ESRP1: variants seen among roughly 807,000 people sequenced by gnomAD.
The protein encoded by ESRP1 is RNA-binding motif protein 35A.
A neutral mutation model predicts 81.7 loss-of-function variants in ESRP1; 33 were observed. That is an observed-to-expected ratio of 0.40 (90% confidence interval 0.31 to 0.54). ESRP1 has a LOEUF of 0.54. Among genes scored for constraint, ESRP1 ranks in the 20% least tolerant of loss-of-function variants. The pLI is 0.41. For missense variants in ESRP1, 672 were observed against 833.1 expected, an observed-to-expected ratio of 0.81 and a Z score of 2.38; for synonymous variants, 320 against 303.3, an observed-to-expected ratio of 1.06 and a Z score of -0.57.
At chr8:94,696,020 G>A (rs181131467) in intron 14 of ESRP1, among the ~76,000 whole-genome samples, 78 of 152,254 alleles carry the variant, frequency 5.1e-4, no homozygotes, top group African/African-American at 1.8e-3. Context: ...CTGCGAATGC[G>A]ACATTGCACT....
intron 4 of ESRP1, among the ~76,000 whole-genome samples, chr8:94,659,292 A>G (rs1818596907): frequency 6.6e-6 from 1 of 152,164 alleles, no homozygotes; most frequent in African/African-American, 2.4e-5. Context: ...TCTCTCTGTC[A>G]CCTTTCAAAC....
intron 4 of ESRP1, among the ~76,000 whole-genome samples, chr8:94,651,051 G>A (rs1018391292): frequency 1.3e-5 from 2 of 152,028 alleles, no homozygotes; most frequent in African/African-American, 4.8e-5. Context: ...GTGACTGCTG[G>A]ATCATATGGG....
chr8:94,646,363 A>C, intron 4 of ESRP1, 81 bp downstream of exon 4: 1 of 981,050 alleles, frequency 1.0e-6, no homozygotes, highest in Non-Finnish European at 1.5e-6. Context: ...CAAACATTTT[A>C]AATTTTGTCA....
At chr8:94,686,990 C>T (rs1004884949) in intron 13 of ESRP1, among the ~76,000 whole-genome samples, 3 of 152,010 alleles carry the variant, frequency 2.0e-5, no homozygotes, top group South Asian at 4.1e-4. Flanking sequence ...TTTAGGTGTT[C>T]GGTCATTTTT....
chr8:94,664,895 T>C, intron 7 of ESRP1, 32 bp from the exon 8 acceptor site: 1 of 1,609,698 alleles, frequency 6.2e-7, no homozygotes, highest in Non-Finnish European at 8.5e-7. Context: ...TATTTTTTTT[T>C]CTACCTGCTG....
intron 4 of ESRP1, among the ~76,000 whole-genome samples, chr8:94,657,134 C>G (rs1404467715): frequency 6.6e-6 from 1 of 152,184 alleles, no homozygotes; most frequent in South Asian, 2.1e-4. Flanking sequence ...TCAGTTGCAG[C>G]CTGAAATGAT....
chr8:94,685,786 CA>C (rs143033408), intron 13 of ESRP1, among the ~76,000 whole-genome samples: 48,234 of 143,080 alleles, frequency 0.34, 8,791 homozygotes, highest in East Asian at 0.57. Flanking sequence ...GAGACAGTCT[CA>C]AAAAAAAAAA....
chr8:94,703,105 A>ATTTT (rs1491529176), intron 15 of ESRP1, among the ~76,000 whole-genome samples: 7 of 77,320 alleles, frequency 9.1e-5, no homozygotes, highest in African/African-American at 1.7e-4. Flanking sequence ...TCTGAGATTG[A>ATTTT]TTGTTTTTTT....
At chr8:94,659,517 A>G (rs973314944) in intron 4 of ESRP1, among the ~76,000 whole-genome samples, 7 of 152,190 alleles carry the variant, frequency 4.6e-5, no homozygotes, top group Admixed American at 1.3e-4. Flanking sequence ...TAAGCCAATT[A>G]ACCCTACAAC....
In ESRP1 at chr8:94,642,801, C is replaced by G. The variant is rs539743415; in HGVS notation, c.262-502C>G. 3.9e-5 allele frequency among the ~76,000 whole-genome samples: 6 copies of G among 152,262 alleles called. No homozygotes were observed. In the East Asian group the frequency reaches 1.2e-3, roughly 29 times the overall value. On this transcript the variant is annotated intron_variant, in intron 2 of 15. Coordinates refer to ENST00000433389, the MANE Select transcript of ESRP1 (RefSeq NM_017697.4). ...CACCTGTGCACAGATGAATGCTCTG[C>G]GTTCTCACGACCTCTGCCCTAGCAC...
intron 14 of ESRP1, 150 bp downstream of exon 14, chr8:94,692,977 G>C (rs1030427595): frequency 8.1e-6 from 7 of 863,510 alleles, no homozygotes; most frequent in Middle Eastern, 3.6e-4. Flanking sequence ...TAGATCTGGA[G>C]TCACTGTGGG....
chr8:94,704,175 C>CT (rs34541416), intron 15 of ESRP1, among the ~76,000 whole-genome samples: 1,690 of 128,994 alleles, frequency 0.013, 54 homozygotes, highest in Non-Finnish European at 0.02. Flanking sequence ...GCTTCTGAGA[C>CT]TTTTTTTTTT....
chr8:94,642,163 C>A (rs898443011), intron 2 of ESRP1, 79 bp downstream of exon 2: 3 of 1,522,304 alleles, frequency 2.0e-6, no homozygotes, highest in African/African-American at 2.8e-5. Context: ...GGGCGGCCCA[C>A]GCGTGTTCCC....
At chr8:94,705,091 G>A (rs973865814) in intron 15 of ESRP1, among the ~76,000 whole-genome samples, 2 of 149,226 alleles carry the variant, frequency 1.3e-5, no homozygotes, top group African/African-American at 2.5e-5. Context: ...ATATAAAGGT[G>A]CTAATCATCA....
Position 94,671,513 on chromosome 8 carries a change from G to C in ESRP1, c.1294G>C (p.Val432Leu). 1 of 1,613,754 alleles carries C rather than the reference G, an allele frequency of 6.2e-7. No individual in the cohort carries two copies. Among genetic ancestry groups the C allele is most frequent in the Non-Finnish European group, 8.5e-7 (1 of 1,179,836 alleles). Residue 432 changes from valine (V) to leucine (L), a missense_variant, in exon 11 of 16, where the codon GTA becomes CTA. Coordinates refer to ENST00000433389, the MANE Select transcript of ESRP1 (RefSeq NM_017697.4). ...IPLPTPPIIP[V>L]LPQQFVPPTN... ...ACTTCCAACCCCTCCCATTATTCCA[G>C]TACTACCTCAGCAATTTGTGCCCCC...
In ESRP1 at chr8:94,664,313, G is replaced by A. The variant is rs1481612321; in HGVS notation, c.645-384G>A. ...TAATTTCTGTAATTTTAGTAGAGAC[G>A]GGGTTTTACCATGTTGGCCAGGCTG... On this transcript the variant is annotated intron_variant, in intron 6 of 15. Transcript: ENST00000433389. 2.0e-5 allele frequency among the ~76,000 whole-genome samples: 3 copies of A among 151,886 alleles called. No homozygotes were observed. In the East Asian group the frequency reaches 5.8e-4, roughly 29 times the overall value.
rs777760214 is a variant in ESRP1, at chr8:94,674,540, G to T, written c.1651+34G>T. ...TTCTTGGGTCTTGGCGCTATTCTAC[G>T]CTATATGCTGGTAGGTGCTTAAGCT... On this transcript the variant is annotated intron_variant, in intron 12 of 15. Transcript: ENST00000433389. 6 of 1,582,066 alleles carry T rather than the reference G, an allele frequency of 3.8e-6. No homozygotes were observed. The South Asian group carries it at 6.8e-5, about 18-fold the overall frequency.
At chr8:94,690,027 C>T (rs1468371681) in intron 13 of ESRP1, among the ~76,000 whole-genome samples, 5 of 151,580 alleles carry the variant, frequency 3.3e-5, no homozygotes, top group Non-Finnish European at 7.4e-5. Context: ...ACCGTGTTAG[C>T]CAGGATGGTC....
At chr8:94,654,495 C>T (rs116528444) in intron 4 of ESRP1, among the ~76,000 whole-genome samples, 3,330 of 152,194 alleles carry the variant, frequency 0.022, 90 homozygotes, top group African/African-American at 0.072. Flanking sequence ...GAATGAGACC[C>T]TATCTCCATC....
Sources: gnomAD v4.1 joint callset for allele counts (sites outside exome capture counted in the v4.1 genomes callset) on GRCh38, gnomAD v4.1.1 for gene constraint, MANE v1.5 for transcripts, NCBI Gene and HGNC (gene_info 2026-07-23, HGNC 2026-07-21) for gene names.